USP31: variants seen among roughly 807,000 people sequenced by gnomAD.
USP31 encodes ubiquitin carboxyl-terminal hydrolase 31.
Under a neutral mutation model 119.4 loss-of-function variants are expected in USP31, and 44 were observed. The ratio of observed to expected loss-of-function variants is 0.37; its 90% CI spans 0.29 to 0.47. USP31 has a LOEUF of 0.47. Among genes scored for constraint, USP31 ranks in the 20% least tolerant of loss-of-function variants. The pLI is 0.99. For synonymous variants in USP31, 749 were observed against 705.6 expected (o/e 1.06, Z -0.97); for missense variants, 1,643 against 1,730.2 (o/e 0.95, Z 0.89).
Position 23,069,507 on chromosome 16 carries a change from T to A in USP31, c.2598A>T (p.Ser866=), listed in dbSNP as rs754967399. 1.2e-6 allele frequency: 2 copies of A among 1,614,212 alleles called. No individual in the cohort carries two copies. The highest frequency in any genetic ancestry group is 2.2e-5 in the South Asian group (2 of 91,080). Residue 866 remains serine (S), a synonymous_variant, in exon 16 of 16, where the codon TCA becomes TCT. Transcript: ENST00000219689. ...TCTGCAGCTTAGCAGACAGGGACCA[T>A]GAAGGTCTCATGCAATTTTCATTGA... ...LAVNENCMRP[S]WSLSAKLQMR...
chr16:23,080,722 C>T (rs774475446), intron 12 of USP31, among the ~76,000 whole-genome samples: 1 of 152,172 alleles, frequency 6.6e-6, no homozygotes, highest in Non-Finnish European at 1.5e-5. Flanking sequence ...TGAAATCCAA[C>T]CATCAGTTGA....
chr16:23,144,956 T>TG (rs1903463520), intron 1 of USP31, among the ~76,000 whole-genome samples: 4 of 152,232 alleles, frequency 2.6e-5, no homozygotes, highest in Admixed American at 2.0e-4. Context: ...ATTTTCAACT[T>TG]GCAGAGGATG....
chr16:23,110,422 T>G (rs1171719024), intron 1 of USP31, among the ~76,000 whole-genome samples: 1 of 151,954 alleles, frequency 6.6e-6, no homozygotes, highest in Non-Finnish European at 1.5e-5. Flanking sequence ...AAAGATACAA[T>G]ATGACACCTT....
Position 23,068,263 on chromosome 16 carries a change from T to G in USP31, c.3842A>C (p.Gln1281Pro), listed in dbSNP as rs774314980. Residue 1281 changes from glutamine (Q) to proline (P), a missense_variant, in exon 16 of 16, where the codon CAG becomes CCG. This residue lies in a region of USP31 where 699 missense variants were observed against 650.9 expected (regional missense o/e 1.07). Transcript: ENST00000219689. ...TCCCGTTGTATTTGCATTTGGCTGC[T>G]GGGAAGCTGGAGGCTGGTGGCCTCT... ...AERGHQPPASQQPNANTTGKE... is the reference protein window; with the variant it reads ...AERGHQPPASPQPNANTTGKE... 1.2e-6 allele frequency: 2 copies of G among 1,614,024 alleles called. No individual in the cohort carries two copies. The highest frequency in any genetic ancestry group is 2.7e-5 in the African/African-American group (2 of 74,950).
At chr16:23,124,802 T>C (rs961112434) in intron 1 of USP31, among the ~76,000 whole-genome samples, 2 of 152,022 alleles carry the variant, frequency 1.3e-5, no homozygotes, top group Admixed American at 6.6e-5. Context: ...GGCAGGAGAA[T>C]TGCTTGAACC....
intron 1 of USP31, 37 bp downstream of exon 1, chr16:23,148,601 C>T: frequency 7.0e-7 from 1 of 1,424,776 alleles, no homozygotes; most frequent in Non-Finnish European, 9.1e-7. Flanking sequence ...CCCAGGGGCT[C>T]GGGGTGCAGT....
rs762957888 is a variant in USP31, at chr16:23,087,807, C to G, written c.1444G>C (p.Glu482Gln). Residue 482 changes from glutamate to glutamine, a missense_variant, in exon 8 of 16, where the codon GAG becomes CAG. This residue lies in a region of USP31 where 219 missense variants were observed against 226.4 expected (regional missense o/e 0.97). Coordinates refer to ENST00000219689, the MANE Select transcript of USP31 (RefSeq NM_020718.4). ...AGAAGGTCCCAAGCTATTGTCTTCT[C>G]TAAGTGCAGCACAAAAGGCAGTCCA... Reference protein sequence around the residue: ...RFGLPFVLHLEKTIAWDLLQK... With the variant: ...RFGLPFVLHLQKTIAWDLLQK... 8 of 1,613,824 alleles carry G rather than the reference C, an allele frequency of 5.0e-6. No homozygotes were observed. The East Asian group carries it at 1.6e-4, about 31-fold the overall frequency.
intron 1 of USP31, among the ~76,000 whole-genome samples, chr16:23,143,808 C>T (rs895248538): frequency 3.9e-5 from 6 of 152,104 alleles, no homozygotes; most frequent in African/African-American, 1.2e-4. Context: ...TCTACCACCA[C>T]ATGCCAGTAG....
intron 2 of USP31, 134 bp downstream of exon 2, chr16:23,107,912 G>A: frequency 1.9e-6 from 2 of 1,073,448 alleles, no homozygotes; most frequent in Non-Finnish European, 2.5e-6. Flanking sequence ...TGTCCTTTAA[G>A]TAGCCACTGA....
intron 1 of USP31, among the ~76,000 whole-genome samples, chr16:23,127,941 CATT>C (rs1446684737): frequency 6.6e-6 from 1 of 152,070 alleles, no homozygotes; most frequent in African/African-American, 2.4e-5. Flanking sequence ...CAAATACTAA[CATT>C]GTTGGTGGCA....
At chr16:23,077,625 T>G (rs1900634965) in intron 13 of USP31, among the ~76,000 whole-genome samples, 1 of 152,112 alleles carries the variant, frequency 6.6e-6, no homozygotes, top group East Asian at 1.9e-4. Flanking sequence ...GCACTAGCAC[T>G]CGGGGTCTTG....
intron 1 of USP31, among the ~76,000 whole-genome samples, chr16:23,111,453 G>T (rs1025233805): frequency 6.6e-6 from 1 of 152,188 alleles, no homozygotes; most frequent in African/African-American, 2.4e-5. Flanking sequence ...GGAAGTCCAG[G>T]AAAGAGTTCG....
At position 23,082,460 on chromosome 16, in the gene USP31, A is replaced by G. The variant is rs1215026352; in HGVS notation, c.1928T>C (p.Ile643Thr). Residue 643 changes from isoleucine to threonine, a missense_variant, in exon 12 of 16, where the codon ATA becomes ACA. Coordinates refer to ENST00000219689, the MANE Select transcript of USP31 (RefSeq NM_020718.4). ...TACCTGCCGAAATCTCTTTAGATGT[A>G]TAATAAGCACATCAGGCAGAGTCCA... ...SLWTLPDVLIIHLKRFRQEGD... is the reference protein window; with the variant it reads ...SLWTLPDVLITHLKRFRQEGD... 6.2e-7 allele frequency: 1 copy of G among 1,614,224 alleles called. No individual in the cohort carries two copies. Among genetic ancestry groups the G allele is most frequent in the South Asian group, 1.1e-5 (1 of 91,088 alleles).
chr16:23,124,428 G>C (rs1902779699), intron 1 of USP31, among the ~76,000 whole-genome samples: 1 of 152,180 alleles, frequency 6.6e-6, no homozygotes, highest in Middle Eastern at 3.2e-3. Context: ...CCAGGCACAT[G>C]GATTATCACT....
At chr16:23,134,532 A>C (rs1903127211) in intron 1 of USP31, among the ~76,000 whole-genome samples, 1 of 152,220 alleles carries the variant, frequency 6.6e-6, no homozygotes, top group African/African-American at 2.4e-5. Flanking sequence ...TGGTGCAGCC[A>C]GGATTTGAAC....
rs375099238 is a variant in USP31, at chr16:23,068,824, T to TGGGCAG, written c.3275_3280dup (p.Pro1092_Ala1093dup). The TGGGCAG allele has an allele frequency of 4.5e-6, 7 of 1,555,200 alleles. No homozygotes were observed. The highest frequency in any genetic ancestry group is 2.5e-5 in the South Asian group (2 of 79,350). On this transcript the variant is annotated inframe_insertion, in exon 16 of 16. Coordinates refer to ENST00000219689, the MANE Select transcript of USP31 (RefSeq NM_020718.4). ...TTTCGGGGATGACTCCTTTTTGGGT[T>TGGGCAG]GGGCAGGGGCAGGGGATGAATGCCG...
chr16:23,106,374 G>C lies in USP31; in HGVS notation c.860+25C>G, dbSNP rs1019721417. Reference sequence around the variant, plus strand: ...GAACGATGTCAGGTAAACAAAATAAGTGGAAACATCCGATTTTCTCATACC... The same window carrying C: ...GAACGATGTCAGGTAAACAAAATAACTGGAAACATCCGATTTTCTCATACC... On this transcript the variant is annotated intron_variant, in intron 3 of 15. Coordinates refer to ENST00000219689, the MANE Select transcript of USP31 (RefSeq NM_020718.4). 3.7e-6 allele frequency: 6 copies of C among 1,613,458 alleles called. No homozygotes were observed. In the African/African-American group the frequency reaches 8.0e-5, roughly 22 times the overall value.
chr16:23,073,654 T>C, intron 14 of USP31, 68 bp downstream of exon 14: 1 of 1,545,582 alleles, frequency 6.5e-7, no homozygotes, highest in East Asian at 2.3e-5. Context: ...TCCAGAGAGG[T>C]CCTCTAGACC....
intron 6 of USP31, among the ~76,000 whole-genome samples, chr16:23,098,650 G>T (rs1443557363): frequency 6.6e-6 from 1 of 152,092 alleles, no homozygotes; most frequent in African/African-American, 2.4e-5. Context: ...CAGAACAGAG[G>T]CCTCAGAAGT....
Sources: allele counts gnomAD v4.1 joint callset (sites outside exome capture counted in the v4.1 genomes callset), GRCh38; gene constraint gnomAD v4.1.1; regional missense constraint gnomAD v4.1.1; transcripts MANE v1.5; gene names NCBI Gene and HGNC (gene_info 2026-07-23, HGNC 2026-07-21).